Variants in SPATA13 observed in about 807,000 individuals in gnomAD.
SPATA13 encodes the protein spermatogenesis associated 13.
A neutral mutation model predicts 104.0 loss-of-function variants in SPATA13; 50 were observed. That is an observed-to-expected ratio of 0.48 (90% CI 0.38 to 0.61). The LOEUF is 0.61. Among genes scored for constraint, SPATA13 ranks in the 20% least tolerant of loss-of-function variants. The pLI, the probability that SPATA13 is intolerant of heterozygous loss-of-function variation, is 0.00. For synonymous variants in SPATA13, 606 were observed against 667.5 expected (o/e 0.91, Z 1.42); for missense variants, 1,524 against 1,690.6 (o/e 0.90, Z 1.73).
chr13:24,188,690 A>G (rs566085915), intron 1 of SPATA13, among the ~76,000 whole-genome samples: 1 of 152,354 alleles, frequency 6.6e-6, no homozygotes, highest in African/African-American at 2.4e-5. Flanking sequence ...TAATTGATGA[A>G]GATGATGACA....
chr13:24,122,381 T>C, intron 3 of SPATA13: 3 of 1,573,430 alleles, frequency 1.9e-6, no homozygotes. Flanking sequence ...TCATCATCAA[T>C]GATTGTGGAA....
Position 24,286,494 on chromosome 13 carries a change from T to A in SPATA13, c.2481+101T>A. 8.0e-7 allele frequency: 1 copy of A among 1,255,572 alleles called. No individual in the cohort carries two copies. Among genetic ancestry groups the A allele is most frequent in the Non-Finnish European group, 1.1e-6 (1 of 916,230 alleles). 77.8% of individuals were successfully genotyped at this position (1,255,572 alleles called of 1,614,324 possible). A position where few individuals can be genotyped will look rare whatever the true frequency, so the allele number is the denominator to read the frequency against. On this transcript the variant is annotated intron_variant, in intron 6 of 12. Transcript: ENST00000382108. The surrounding 1 kb of genome is among the most constrained non-coding windows in gnomAD (Gnocchi z 4.9). ...TTTATCAGGTCAGCTCTTTTGTAAT[T>A]GATATCTGACATGCAAGTCACACCT...
In SPATA13 at chr13:24,288,672, G is replaced by A. The variant is rs11149054; in HGVS notation, c.2668-327G>A. 6.5e-3 allele frequency among the ~76,000 whole-genome samples: 989 copies of A among 152,322 alleles called. 9 individuals are homozygous for A. The highest frequency in any genetic ancestry group is 0.023 in the African/African-American group (956 of 41,556). On this transcript the variant is annotated intron_variant, in intron 7 of 12. Transcript: ENST00000382108. ...TCTCCTGGGCTGTGAAATGGAATTA[G>A]GGTTGGGAGAATGATTACCTGAAGA...
chr13:24,227,653 C>G (rs1021048340), intron 2 of SPATA13, among the ~76,000 whole-genome samples: 1 of 152,094 alleles, frequency 6.6e-6, no homozygotes, highest in East Asian at 1.9e-4. Flanking sequence ...TCACTGCAAC[C>G]TTTGCCTCAC....
intron 3 of SPATA13, among the ~76,000 whole-genome samples, chr13:24,078,834 C>A (rs1055923813): frequency 1.3e-5 from 2 of 152,222 alleles, no homozygotes; most frequent in African/African-American, 4.8e-5. Flanking sequence ...TTCATCCCCC[C>A]ATTCAGTCAA....
chr13:24,037,208 TG>T (rs1369666051), intron 3 of SPATA13, among the ~76,000 whole-genome samples: 1 of 76,566 alleles, frequency 1.3e-5, no homozygotes, highest in Admixed American at 2.1e-4. Context: ...TGTCATAGGG[TG>T]GGGGGAGGGG....
intron 12 of SPATA13, among the ~76,000 whole-genome samples, chr13:24,301,162 C>T (rs966720546): frequency 2.0e-5 from 3 of 152,098 alleles, no homozygotes; most frequent in African/African-American, 2.4e-5. Context: ...GATTTTTCCC[C>T]AAAAAATATG....
intron 1 of SPATA13, among the ~76,000 whole-genome samples, chr13:24,181,564 C>T (rs1868808907): frequency 6.6e-6 from 1 of 151,998 alleles, no homozygotes; most frequent in Non-Finnish European, 1.5e-5. Flanking sequence ...AAAATGAAGA[C>T]AGAAACGTAC....
chr13:24,215,690 C>T (rs962774308), intron 1 of SPATA13, among the ~76,000 whole-genome samples: 4 of 152,138 alleles, frequency 2.6e-5, no homozygotes, highest in African/African-American at 7.2e-5. Context: ...ACATCATTCC[C>T]TTTAGGGGTA....
chr13:24,039,273 C>T (rs1056237323), intron 3 of SPATA13, among the ~76,000 whole-genome samples: 1 of 152,132 alleles, frequency 6.6e-6, no homozygotes, highest in African/African-American at 2.4e-5. Context: ...GCTGGTCATC[C>T]CTCTACCAGC....
chr13:24,241,440 G>A (rs9580904), intron 2 of SPATA13, among the ~76,000 whole-genome samples: 1,545 of 152,370 alleles, frequency 0.01, 20 homozygotes, highest in African/African-American at 0.034. Flanking sequence ...ATTACTCAGC[G>A]AAACGCAGAG....
chr13:24,084,559 TA>T (rs1879658523), intron 3 of SPATA13, among the ~76,000 whole-genome samples: 1 of 152,056 alleles, frequency 6.6e-6, no homozygotes, highest in African/African-American at 2.4e-5. Flanking sequence ...AAAGCAACAC[TA>T]CACAGTTCTT....
chr13:24,122,218 T>C lies in SPATA13; in HGVS notation c.-111-100601T>C, dbSNP rs1010591666. 3 of 1,447,850 alleles carry C rather than the reference T, an allele frequency of 2.1e-6. No homozygotes were observed. The African/African-American group carries it at 4.2e-5, about 20-fold the overall frequency. 89.7% of individuals were successfully genotyped at this position (1,447,850 alleles called of 1,614,324 possible). On this transcript the variant is annotated intron_variant, in intron 3 of 14. Transcript: ENST00000424834. ...TTGCTATATACTGTAACTGTTTTCT[T>C]TGTTCTTCAGAAAGATGGTGAGTCA...
chr13:24,219,916 T>C (rs2031158), intron 1 of SPATA13, among the ~76,000 whole-genome samples: 7 of 152,204 alleles, frequency 4.6e-5, no homozygotes, highest in Non-Finnish European at 1.0e-4. Flanking sequence ...CAAGGAACTT[T>C]GCTGGTTTCA....
intron 9 of SPATA13, among the ~76,000 whole-genome samples, chr13:24,293,095 A>G (rs1182594265): frequency 6.6e-6 from 1 of 151,524 alleles, no homozygotes; most frequent in Non-Finnish European, 1.5e-5. Flanking sequence ...ACTGAACAAT[A>G]GACACTAGAT....
At chr13:24,272,100 C>T (rs1874653489) in intron 4 of SPATA13, among the ~76,000 whole-genome samples, 1 of 152,188 alleles carries the variant, frequency 6.6e-6, no homozygotes, top group Non-Finnish European at 1.5e-5. Flanking sequence ...GTGCTCCCTC[C>T]CAGGGTTCCT....
intron 11 of SPATA13, among the ~76,000 whole-genome samples, chr13:24,298,639 A>G (rs569589445): frequency 6.6e-6 from 1 of 152,304 alleles, no homozygotes; most frequent in East Asian, 1.9e-4. Flanking sequence ...AGCCCTCAAA[A>G]GTCATGGTCC....
intron 1 of SPATA13, among the ~76,000 whole-genome samples, chr13:23,983,290 T>C (rs1874987941): frequency 6.6e-6 from 1 of 152,224 alleles, no homozygotes. Context: ...TTACTGCGTC[T>C]TCACGTGGTC....
chr13:24,026,327 C>T (rs1479040456), intron 3 of SPATA13, among the ~76,000 whole-genome samples: 1 of 152,118 alleles, frequency 6.6e-6, no homozygotes, highest in East Asian at 1.9e-4. Flanking sequence ...GTGTTCTTCA[C>T]ATGAAGAGCA....
Sources: allele counts gnomAD v4.1 joint callset (sites outside exome capture counted in the v4.1 genomes callset), GRCh38; gene constraint gnomAD v4.1.1; non-coding constraint Gnocchi (gnomAD v3.1); transcripts MANE v1.5; gene names NCBI Gene and HGNC (gene_info 2026-07-23, HGNC 2026-07-21).